The following PEPD variants were observed in gnomAD, a reference collection of about 807,000 sequenced individuals.
PEPD encodes the protein peptidase D.
A neutral mutation model predicts 60.7 loss-of-function variants in PEPD; 53 were observed. The observed-to-expected ratio is 0.87, with a 90% CI of 0.70 to 1.10. The LOEUF is 1.10. Ranked by LOEUF, PEPD falls within the 50% of genes least tolerant of loss-of-function variation. The pLI, the probability that PEPD is intolerant of heterozygous loss-of-function variation, is 0.00. For missense variants in PEPD, 711 were observed against 711.9 expected, an observed-to-expected ratio of 1.00 and a Z score of 0.01; for synonymous variants, 267 against 284.1, an observed-to-expected ratio of 0.94 and a Z score of 0.60.
chr19:33,413,847 A>G (rs1483205940), intron 9 of PEPD, among the ~76,000 whole-genome samples: 1 of 152,200 alleles, frequency 6.6e-6, no homozygotes, highest in African/African-American at 2.4e-5. Flanking sequence ...GCCAGTGTGG[A>G]GTGACAGAGA....
At chr19:33,416,535 C>G (rs1012945108) in intron 9 of PEPD, among the ~76,000 whole-genome samples, 42 of 152,308 alleles carry the variant, frequency 2.8e-4, no homozygotes, top group African/African-American at 9.6e-4. Flanking sequence ...CTCCCTCCTG[C>G]TCACCTGGAA....
chr19:33,422,818 A>ATATCTATCTATCTATC (rs201899160), intron 9 of PEPD, among the ~76,000 whole-genome samples: 2,942 of 131,178 alleles, frequency 0.022, 106 homozygotes, highest in African/African-American at 0.066. Context: ...CCATCCTTCT[A>ATATCTATCTATCTATC]TATCTATCTA....
rs151049559 is a variant in PEPD at position 33,514,128 on chromosome 19, T to G, written c.18-1352A>C. ...AGGCTGGAGGCCGGGTGTGGAGAGA[T>G]AATGGGGATGAGGTGGAGGAGGAGT... is the stretch of plus-strand genomic sequence containing the variant. On this transcript the variant is annotated intron_variant, in intron 1 of 14. Coordinates refer to ENST00000244137, the MANE Select transcript of PEPD (RefSeq NM_000285.4). 2.7e-3 allele frequency among the ~76,000 whole-genome samples: 417 copies of G among 151,984 alleles called. 3 individuals are homozygous for G. The highest frequency in any genetic ancestry group is 9.7e-3 in the African/African-American group (404 of 41,444).
At chr19:33,485,562 C>T (rs1013791559) in intron 6 of PEPD, among the ~76,000 whole-genome samples, 1 of 151,006 alleles carries the variant, frequency 6.6e-6, no homozygotes, top group Admixed American at 6.6e-5. Flanking sequence ...AACCAGAAAA[C>T]CACGGTCCTC....
chr19:33,495,333 C>T (rs1014162899), intron 4 of PEPD, among the ~76,000 whole-genome samples: 1 of 147,174 alleles, frequency 6.8e-6, no homozygotes, highest in African/African-American at 2.5e-5. Context: ...GGTGAAACCC[C>T]CATCTCTACT....
intron 14 of PEPD, 65 bp from the exon 15 acceptor site, chr19:33,387,546 GC>G (rs1442561574): frequency 3.8e-6 from 6 of 1,599,882 alleles, no homozygotes; most frequent in South Asian, 3.3e-5. Context: ...AGAGGGCCGG[GC>G]CCATTCCAGG....
intron 9 of PEPD, among the ~76,000 whole-genome samples, chr19:33,442,372 A>C (rs1434153454): frequency 6.6e-6 from 1 of 150,822 alleles, no homozygotes; most frequent in Non-Finnish European, 1.5e-5. Flanking sequence ...GCTCCATTGC[A>C]CTTCAGGCTG....
chr19:33,495,848 C>G (rs1376046168), intron 4 of PEPD, among the ~76,000 whole-genome samples: 4 of 151,974 alleles, frequency 2.6e-5, no homozygotes, highest in African/African-American at 9.7e-5. Context: ...ATTAGCCGGG[C>G]TTGGTGACTG....
intron 7 of PEPD, chr19:33,477,241 A>T (rs1970233876): frequency 6.6e-6 from 1 of 152,564 alleles, no homozygotes; most frequent in Non-Finnish European, 1.5e-5. Flanking sequence ...ATGCCCATTC[A>T]TCTTTCAGGA....
intron 7 of PEPD, among the ~76,000 whole-genome samples, chr19:33,466,791 T>C (rs1568486101): frequency 6.6e-6 from 1 of 151,670 alleles, no homozygotes; most frequent in African/African-American, 2.4e-5. Flanking sequence ...TTTTTTCTAA[T>C]AAAAAAACCA....
chr19:33,505,953 C>T (rs1166947782), intron 3 of PEPD, among the ~76,000 whole-genome samples: 2 of 141,778 alleles, frequency 1.4e-5, no homozygotes, highest in South Asian at 2.3e-4. Context: ...ACACCCAATA[C>T]ACCACACTCA....
At chr19:33,489,939 A>T in intron 6 of PEPD, 57 bp downstream of exon 6, 1 of 952,272 alleles carries the variant, frequency 1.1e-6, no homozygotes, top group Non-Finnish European at 1.7e-6. Flanking sequence ...AAGACCTGCT[A>T]GTGAAGGTGG....
intron 9 of PEPD, among the ~76,000 whole-genome samples, chr19:33,457,704 GTTTCACCGCGT>G (rs1969830004): frequency 6.6e-6 from 1 of 152,232 alleles, no homozygotes; most frequent in African/African-American, 2.4e-5. Context: ...TAGAGACGCG[GTTTCACCGCGT>G]TAGCCAGGAT....
intron 9 of PEPD, among the ~76,000 whole-genome samples, chr19:33,424,316 G>A (rs1416563289): frequency 6.6e-6 from 1 of 152,250 alleles, no homozygotes; most frequent in African/African-American, 2.4e-5. Context: ...TACCCGCCTT[G>A]AGGGAAATTC....
chr19:33,436,902 A>G (rs1426363913), intron 9 of PEPD, among the ~76,000 whole-genome samples: 1 of 152,194 alleles, frequency 6.6e-6, no homozygotes, highest in Non-Finnish European at 1.5e-5. Flanking sequence ...CCTAGTCCAC[A>G]GGGAGGAGGG....
intron 6 of PEPD, among the ~76,000 whole-genome samples, chr19:33,481,222 C>T (rs1038282364): frequency 6.6e-6 from 1 of 151,746 alleles, no homozygotes; most frequent in East Asian, 1.9e-4. Context: ...AATTGGATAA[C>T]CTATTTGAAA....
intron 11 of PEPD, among the ~76,000 whole-genome samples, chr19:33,403,899 T>C (rs1418300808): frequency 6.6e-6 from 1 of 152,198 alleles, no homozygotes; most frequent in African/African-American, 2.4e-5. Context: ...ACAGGATCTC[T>C]GGATGCAGTG....
intron 11 of PEPD, among the ~76,000 whole-genome samples, chr19:33,407,118 T>C (rs1038915470): frequency 2.6e-5 from 4 of 152,190 alleles, no homozygotes; most frequent in Non-Finnish European, 2.9e-5. Context: ...CTAGAAACTC[T>C]GCGAGGGGCC....
At chr19:33,396,181 G>C (rs1175957019) in intron 12 of PEPD, 1 of 152,358 alleles carries the variant, frequency 6.6e-6, no homozygotes, top group Non-Finnish European at 1.5e-5. Flanking sequence ...TCTATGACTG[G>C]GGTGGCACAT....
Sources: allele counts gnomAD v4.1 joint callset (sites outside exome capture counted in the v4.1 genomes callset), GRCh38; gene constraint gnomAD v4.1.1; transcripts MANE v1.5; gene names NCBI Gene and HGNC (gene_info 2026-07-23, HGNC 2026-07-21).